Variants in DOCK9 observed in about 807,000 individuals in gnomAD.
DOCK9 encodes dedicator of cytokinesis 9, also known as dedicator of cytokinesis protein 9.
DOCK9 carries 89 observed loss-of-function variants against 263.3 expected under a neutral mutation model. That is an observed-to-expected ratio of 0.34 (90% CI 0.28 to 0.40). The LOEUF is 0.40. Ranked by LOEUF, DOCK9 falls within the 10% of genes least tolerant of loss-of-function variation. The probability of loss-of-function intolerance (pLI) is 1.00; values close to 1 mark genes in which losing one functional copy is unlikely to be tolerated. For synonymous variants in DOCK9, 976 were observed against 973.1 expected, an observed-to-expected ratio of 1.00 and a Z score of -0.06; for missense variants, 2,140 against 2,603.4, an observed-to-expected ratio of 0.82 and a Z score of 3.87.
At position 98,858,331 on chromosome 13, in the gene DOCK9, C is replaced by T. The variant is rs368904401; in HGVS notation, c.3697+2074G>A. On this transcript the variant is annotated intron_variant, in intron 33 of 52. Coordinates refer to ENST00000682017, the MANE Select transcript of DOCK9 (RefSeq NM_001366683.2). The stretch of plus-strand genomic sequence containing the variant: ...GCTTGCCTTTTAAAATGAATGTAAT[C>T]TCAGAGTAGTTTTTATCCAGGCAGT... The T allele has an allele frequency of 2.0e-5, 3 of 152,294 alleles. No homozygotes were observed. In the East Asian group the frequency reaches 5.8e-4, roughly 29 times the overall value. 9.4% of individuals were successfully genotyped at this position (152,294 alleles called of 1,614,324 possible).
chr13:98,945,067 A>G (rs2056527307), intron 2 of DOCK9, among the ~76,000 whole-genome samples: 2 of 152,368 alleles, frequency 1.3e-5, no homozygotes, highest in South Asian at 4.1e-4. Context: ...CAATGATTCT[A>G]AATGTTTGTA....
upstream of DOCK9, among the ~76,000 whole-genome samples, chr13:98,978,952 C>G (rs1876151190): frequency 1.3e-5 from 2 of 151,958 alleles, no homozygotes; most frequent in South Asian, 4.2e-4. Context: ...TTTTTTACCT[C>G]TTGGGAAAAA....
At chr13:99,042,668 T>C (rs1449623815) in intron 1 of DOCK9, among the ~76,000 whole-genome samples, 2 of 152,210 alleles carry the variant, frequency 1.3e-5, no homozygotes, top group Non-Finnish European at 2.9e-5. Flanking sequence ...TTAACACCAA[T>C]GAGTTACTAT....
chr13:98,984,699 G>A (rs933852836), intron 1 of DOCK9, among the ~76,000 whole-genome samples: 1 of 152,054 alleles, frequency 6.6e-6, no homozygotes, highest in African/African-American at 2.4e-5. Flanking sequence ...GCTCATGCTG[G>A]GGTTCTAGCC....
chr13:98,902,349 C>T lies in DOCK9; in HGVS notation c.1319G>A (p.Gly440Glu), dbSNP rs749052968. The change falls in exon 12 of 53, where the codon GGG (glycine) becomes GAG (glutamate). Residue 440 changes from glycine to glutamate, a missense_variant. Coordinates refer to ENST00000682017, the MANE Select transcript of DOCK9 (RefSeq NM_001366683.2). Reference sequence around the variant, plus strand: ...GCCCTTGAGGACAGATGGGCTCTGCCCACTGCCATTCATCAGCGCCGGGGA... The same window carrying T: ...GCCCTTGAGGACAGATGGGCTCTGCTCACTGCCATTCATCAGCGCCGGGGA... ...TTSPALMNGS[G>E]QSPSVLKGIL... The T allele has an allele frequency of 1.2e-6, 2 of 1,613,986 alleles. No individual in the cohort carries two copies. The highest frequency in any genetic ancestry group is 1.7e-5 in the Admixed American group (1 of 60,020).
intron 1 of DOCK9, among the ~76,000 whole-genome samples, chr13:99,063,497 T>G (rs2041285755): frequency 6.6e-6 from 1 of 152,196 alleles, no homozygotes; most frequent in Non-Finnish European, 1.5e-5. Flanking sequence ...TCCCTTTGCC[T>G]CGGGTGAGCA....
intron 1 of DOCK9, among the ~76,000 whole-genome samples, chr13:99,017,697 C>T (rs565896574): frequency 1.3e-5 from 2 of 152,226 alleles, no homozygotes; most frequent in South Asian, 2.1e-4. Context: ...ATAATTGTCT[C>T]GGGCCACACA....
intron 1 of DOCK9, among the ~76,000 whole-genome samples, chr13:98,997,395 G>A (rs1233934818): frequency 6.6e-6 from 1 of 152,144 alleles, no homozygotes; most frequent in African/African-American, 2.4e-5. Flanking sequence ...CCTTTTATTT[G>A]ACCAGCTCAG....
intron 44 of DOCK9, 76 bp from the exon 45 acceptor site, chr13:98,824,580 T>C: frequency 7.9e-7 from 1 of 1,258,020 alleles, no homozygotes; most frequent in Non-Finnish European, 1.2e-6. Flanking sequence ...TTTCCTGCCC[T>C]GTGTGTTTCT....
At chr13:98,921,634 C>G (rs904261900) in intron 6 of DOCK9, among the ~76,000 whole-genome samples, 1 of 152,188 alleles carries the variant, frequency 6.6e-6, no homozygotes, top group Non-Finnish European at 1.5e-5. Flanking sequence ...GCAACCTTCT[C>G]TTCTATGCAA....
At chr13:98,957,597 G>A (rs2058197511) in intron 1 of DOCK9, among the ~76,000 whole-genome samples, 2 of 147,192 alleles carry the variant, frequency 1.4e-5, no homozygotes, top group East Asian at 2.0e-4. Flanking sequence ...TTTTAAATAA[G>A]AATTGCCCAG....
intron 3 of DOCK9, among the ~76,000 whole-genome samples, chr13:98,926,968 A>G (rs568699599): frequency 1.3e-5 from 2 of 152,376 alleles, no homozygotes; most frequent in African/African-American, 4.8e-5. Flanking sequence ...AGGTCTTCTG[A>G]AGCAAACTCC....
intron 1 of DOCK9, among the ~76,000 whole-genome samples, chr13:99,017,352 C>A (rs1204273147): frequency 6.6e-6 from 1 of 152,124 alleles, no homozygotes; most frequent in African/African-American, 2.4e-5. Flanking sequence ...TTCAGAAAAT[C>A]TACCAATTAA....
At chr13:98,799,007 G>C (rs879775469) in intron 50 of DOCK9, among the ~76,000 whole-genome samples, 1 of 152,176 alleles carries the variant, frequency 6.6e-6, no homozygotes, top group Non-Finnish European at 1.5e-5. Context: ...GAGTGGTTTT[G>C]TTTTTAGCTA....
In DOCK9 at chr13:98,888,547, T is replaced by C; in HGVS notation, c.1790A>G (p.Asn597Ser). ...GGGAATGTATGATGAATTAACATAA[T>C]CTGCAAAGATATTCAAAATAACTCA... ...TIDNVSSDFP[N>S]YVNSSYIPTK... Residue 597 changes from asparagine (N) to serine (S), a missense_variant and splice_region_variant, in exon 17 of 53, where the codon AAT (asparagine) becomes AGT (serine). Coordinates refer to ENST00000682017, the MANE Select transcript of DOCK9 (RefSeq NM_001366683.2). 1 of 1,613,534 alleles carries C rather than the reference T, an allele frequency of 6.2e-7. No individual in the cohort carries two copies.
intron 1 of DOCK9, among the ~76,000 whole-genome samples, chr13:99,073,377 C>T (rs2041773606): frequency 6.6e-6 from 1 of 151,646 alleles, no homozygotes; most frequent in Admixed American, 6.6e-5. Context: ...TCTCCTCTCT[C>T]TCTCTCTCCT....
At chr13:99,066,594 G>A (rs117221188) in intron 1 of DOCK9, among the ~76,000 whole-genome samples, 2 of 151,998 alleles carry the variant, frequency 1.3e-5, no homozygotes, top group African/African-American at 4.8e-5. Context: ...TAAGGACATC[G>A]TCAAGATCCA....
rs949880836 is a variant in DOCK9 at position 98,829,944 on chromosome 13, G to GA, written c.4636-189dup. On this transcript the variant is annotated intron_variant, in intron 41 of 52. Transcript: ENST00000682017. The surrounding 1 kb of genome is among the most constrained non-coding windows in gnomAD (Gnocchi z 4.1). The stretch of plus-strand genomic sequence containing the variant: ...TTCTTCCCCTTTAAGAATAATTACA[G>GA]AAAGTGATTCTGCTATCCTTAAAAA... Among the ~76,000 whole-genome samples the GA allele has an allele frequency of 2.0e-5, 3 of 152,206 alleles. No homozygotes were observed. The highest frequency in any genetic ancestry group is 4.4e-5 in the Non-Finnish European group (3 of 68,028).
At chr13:98,994,487 A>C (rs1880544413) in intron 1 of DOCK9, among the ~76,000 whole-genome samples, 1 of 152,238 alleles carries the variant, frequency 6.6e-6, no homozygotes, top group African/African-American at 2.4e-5. Flanking sequence ...CAACAGTGCT[A>C]AGGCTGAGAA....
Sources: gnomAD v4.1 joint callset for allele counts (sites outside exome capture counted in the v4.1 genomes callset) on GRCh38, gnomAD v4.1.1 for gene constraint, Gnocchi (gnomAD v3.1) non-coding constraint, MANE v1.5 for transcripts, NCBI Gene and HGNC (gene_info 2026-07-23, HGNC 2026-07-21) for gene names.